YTHDC2: variants seen among roughly 807,000 people sequenced by gnomAD.
YTHDC2 encodes the protein 3'-5' RNA helicase YTHDC2.
A neutral mutation model predicts 174.9 loss-of-function variants in YTHDC2; 45 were observed. That is an observed-to-expected ratio of 0.26 (90% CI 0.20 to 0.33). The LOEUF (loss-of-function observed/expected upper bound fraction) is 0.33. Ranked by LOEUF, YTHDC2 falls within the 10% of genes least tolerant of loss-of-function variation. YTHDC2 has a pLI of 1.00. For synonymous variants in YTHDC2, 657 were observed against 574.5 expected, an observed-to-expected ratio of 1.14 and a Z score of -2.05; for missense variants, 1,650 against 1,723.7, an observed-to-expected ratio of 0.96 and a Z score of 0.76.
chr5:113,590,860 T>C (rs1417114736), intron 26 of YTHDC2, among the ~76,000 whole-genome samples, 181 bp from the exon 27 acceptor site: 2 of 152,222 alleles, frequency 1.3e-5, no homozygotes, highest in Admixed American at 6.5e-5. Context: ...GAGTACTTGT[T>C]TTTGGCTAAC....
chr5:113,556,162 C>T (rs754408639), intron 17 of YTHDC2, 28 bp downstream of exon 17: 9 of 1,357,682 alleles, frequency 6.6e-6, no homozygotes, highest in Non-Finnish European at 9.3e-6. Flanking sequence ...TATATTCATT[C>T]AATTGCCTGT....
intron 26 of YTHDC2, among the ~76,000 whole-genome samples, chr5:113,588,934 C>G (rs541545521): frequency 1.3e-5 from 2 of 151,958 alleles, no homozygotes; most frequent in East Asian, 3.9e-4. Flanking sequence ...CAACAGTGTT[C>G]TTTTATTTTA....
chr5:113,523,280 A>T (rs1774000141), intron 2 of YTHDC2, among the ~76,000 whole-genome samples: 1 of 152,188 alleles, frequency 6.6e-6, no homozygotes, highest in Non-Finnish European at 1.5e-5. Flanking sequence ...ACAATTGTAC[A>T]GTGTCAGAGA....
At chr5:113,535,230 C>A (rs1774973281) in intron 6 of YTHDC2, among the ~76,000 whole-genome samples, 1 of 152,048 alleles carries the variant, frequency 6.6e-6, no homozygotes, top group African/African-American at 2.4e-5. Context: ...TGTTGTTATT[C>A]CCTAAAGAAT....
chr5:113,522,185 C>G (rs1326829699), intron 2 of YTHDC2, among the ~76,000 whole-genome samples: 1 of 143,530 alleles, frequency 7.0e-6, no homozygotes, highest in Non-Finnish European at 1.5e-5. Context: ...TTTTAAGAGA[C>G]TCCTGGTGTC....
Position 113,541,089 on chromosome 5 carries a change from T to C in YTHDC2, c.1332T>C (p.Asp444=), listed in dbSNP as rs1379550463. ...NVTDEYDLLD[D]GGDAVFSQLT... is the part of the protein sequence containing the mutation. ...CTGATGAGTATGACTTACTGGATGA[T>C]GGTGGTGATGCTGTCTTCAGTCAGC... is the stretch of plus-strand genomic sequence containing the variant. Residue 444 remains aspartate, a synonymous_variant, in exon 9 of 30, where the codon GAT becomes GAC. Transcript: ENST00000161863. 1.2e-6 allele frequency: 2 copies of C among 1,614,178 alleles called. No individual in the cohort carries two copies. Among genetic ancestry groups the C allele is most frequent in the Non-Finnish European group, 1.7e-6 (2 of 1,180,016 alleles).
intron 10 of YTHDC2, among the ~76,000 whole-genome samples, chr5:113,544,722 A>G (rs545549704): frequency 1.0e-4 from 15 of 150,654 alleles, no homozygotes; most frequent in South Asian, 2.1e-4. Context: ...GACTGTACCT[A>G]TTACTTCAAC....
At chr5:113,542,328 G>T in intron 9 of YTHDC2, 40 bp from the exon 10 acceptor site, 3 of 1,597,610 alleles carry the variant, frequency 1.9e-6, no homozygotes, top group Non-Finnish European at 2.6e-6. Context: ...CAAATGTTAG[G>T]TAATTTATGA....
intron 23 of YTHDC2, 46 bp downstream of exon 23, chr5:113,567,895 T>A (rs753295380): frequency 1.7e-5 from 24 of 1,390,010 alleles, no homozygotes; most frequent in Non-Finnish European, 2.2e-5. Context: ...TGAATTTTTT[T>A]TTTTTACCAA....
At chr5:113,578,414 A>G (rs1044293312) in intron 23 of YTHDC2, among the ~76,000 whole-genome samples, 24 of 151,960 alleles carry the variant, frequency 1.6e-4, no homozygotes, top group African/African-American at 5.3e-4. Context: ...ATGTGTTAAA[A>G]ATTTGTTGAA....
At chr5:113,559,172 G>A (rs1213896685) in intron 17 of YTHDC2, among the ~76,000 whole-genome samples, 1 of 152,070 alleles carries the variant, frequency 6.6e-6, no homozygotes, top group Admixed American at 6.6e-5. Context: ...GTCAGAGGCT[G>A]AAGGGTGGGT....
intron 3 of YTHDC2, among the ~76,000 whole-genome samples, chr5:113,525,606 T>G (rs1458620254): frequency 6.6e-6 from 1 of 152,110 alleles, no homozygotes; most frequent in Admixed American, 6.5e-5. Context: ...GGGACTAGAC[T>G]TTCCTATATT....
intron 4 of YTHDC2, among the ~76,000 whole-genome samples, chr5:113,530,528 A>G (rs1774583066): frequency 6.6e-6 from 1 of 152,184 alleles, no homozygotes. Flanking sequence ...TAGTGCGAGT[A>G]CCTTAAATAA....
At position 113,542,474 on chromosome 5, in the gene YTHDC2, T is replaced by C. The variant is rs1775555961; in HGVS notation, c.1466T>C (p.Phe489Ser). Residue 489 changes from phenylalanine (F) to serine (S), a missense_variant, in exon 10 of 30, where the codon TTT (phenylalanine) becomes TCT (serine). Coordinates refer to ENST00000161863, the MANE Select transcript of YTHDC2 (RefSeq NM_022828.5). ...HKDIDAFAQV[F>S]HLILTENVSV... Reference sequence around the variant, plus strand: ...GATATTGATGCCTTTGCTCAGGTCTTTCATCTCATTTTAACTGAAAATGTT... The same window carrying C: ...GATATTGATGCCTTTGCTCAGGTCTCTCATCTCATTTTAACTGAAAATGTT... 20 of 1,607,012 alleles carry C rather than the reference T, an allele frequency of 1.2e-5. No homozygotes were observed. Among genetic ancestry groups the C allele is most frequent in the Non-Finnish European group, 1.7e-5 (20 of 1,178,142 alleles).
chr5:113,562,933 TCAA>T (rs1320170226), intron 18 of YTHDC2, among the ~76,000 whole-genome samples: 5 of 152,224 alleles, frequency 3.3e-5, no homozygotes, highest in Non-Finnish European at 7.3e-5. Flanking sequence ...CAGTGTAAAC[TCAA>T]TGAGAATGGA....
intron 2 of YTHDC2, among the ~76,000 whole-genome samples, chr5:113,523,484 G>C (rs1774010067): frequency 1.3e-5 from 2 of 151,948 alleles, no homozygotes; most frequent in Non-Finnish European, 2.9e-5. Flanking sequence ...GTTTCAGAAA[G>C]GTCCGTGGGA....
At chr5:113,556,543 A>G (rs1428729066) in intron 17 of YTHDC2, among the ~76,000 whole-genome samples, 2 of 152,224 alleles carry the variant, frequency 1.3e-5, no homozygotes, top group Non-Finnish European at 2.9e-5. Context: ...CTACTAATAC[A>G]TTAACCTCAC....
chr5:113,513,851 G>T lies in YTHDC2; in HGVS notation c.-45G>T. 1 of 1,531,956 alleles carries T rather than the reference G, an allele frequency of 6.5e-7. No homozygotes were observed. Among genetic ancestry groups the T allele is most frequent in the Non-Finnish European group, 8.7e-7 (1 of 1,144,592 alleles). 94.9% of individuals were successfully genotyped at this position (1,531,956 alleles called of 1,614,324 possible). On this transcript the variant is annotated 5_prime_UTR_variant, in exon 1 of 30. Coordinates refer to ENST00000161863, the MANE Select transcript of YTHDC2 (RefSeq NM_022828.5). The stretch of plus-strand genomic sequence containing the variant: ...GGTCTTTGTCATTGGCTGTCAGCTA[G>T]CAGGCCTGGCCGCTCCCGTGCGGAG...
chr5:113,589,425 A>ATATATATG (rs1423136660), intron 26 of YTHDC2, among the ~76,000 whole-genome samples: 7 of 142,868 alleles, frequency 4.9e-5, no homozygotes, highest in African/African-American at 1.8e-4. Flanking sequence ...ATATATATAT[A>ATATATATG]TATATATGTA....
Sources: gnomAD v4.1 joint callset for allele counts (sites outside exome capture counted in the v4.1 genomes callset) on GRCh38, gnomAD v4.1.1 for gene constraint, MANE v1.5 for transcripts, NCBI Gene and HGNC (gene_info 2026-07-23, HGNC 2026-07-21) for gene names.